The following ZNF584 variants were observed in gnomAD, a reference collection of about 807,000 sequenced individuals.
ZNF584 encodes the protein zinc finger protein 584.
A neutral mutation model predicts 14.7 loss-of-function variants in ZNF584; 12 were observed. That is an observed-to-expected ratio of 0.82 (90% confidence interval 0.52 to 1.32). ZNF584 has a LOEUF of 1.32. ZNF584 is among the 40% of genes most tolerant of loss of function. The pLI is 0.00. For synonymous variants in ZNF584, 204 were observed against 190.9 expected, an observed-to-expected ratio of 1.07 and a Z score of -0.57; for missense variants, 478 against 518.8, an observed-to-expected ratio of 0.92 and a Z score of 0.76.
At chr19:58,415,845 C>T in intron 3 of ZNF584, 199 bp downstream of exon 3, 1 of 1,600,812 alleles carries the variant, frequency 6.2e-7, no homozygotes, top group South Asian at 1.1e-5. Flanking sequence ...CCTCTCTGGC[C>T]TGCGTCTCCT....
chr19:58,402,461 G>T (rs2052437500), intron 1 of ZNF584, among the ~76,000 whole-genome samples: 1 of 152,190 alleles, frequency 6.6e-6, no homozygotes, highest in Non-Finnish European at 1.5e-5. Context: ...ACATCTACTT[G>T]TTCTTTCAAA....
chr19:58,407,759 C>G (rs1043381994), upstream of ZNF584, among the ~76,000 whole-genome samples: 2 of 152,198 alleles, frequency 1.3e-5, no homozygotes, highest in African/African-American at 4.8e-5. Flanking sequence ...CCCACCTGCT[C>G]TAACATGAAC....
intron 2 of ZNF584, 33 bp downstream of exon 2, chr19:58,410,124 A>C (rs1167839467): frequency 5.1e-6 from 8 of 1,566,080 alleles, no homozygotes; most frequent in Non-Finnish European, 6.9e-6. Context: ...CAGCACACTG[A>C]CTACCCCCTC....
At chr19:58,410,938 C>T (rs1410868620) in intron 2 of ZNF584, among the ~76,000 whole-genome samples, 3 of 149,612 alleles carry the variant, frequency 2.0e-5, no homozygotes, top group East Asian at 2.0e-4. Flanking sequence ...ACTACAGGCT[C>T]GCGCCACCAT....
chr19:58,416,716 A>G (rs957665435), intron 3 of ZNF584, 95 bp from the exon 4 acceptor site: 28 of 1,463,000 alleles, frequency 1.9e-5, no homozygotes, highest in East Asian at 1.4e-4. Context: ...CAGCAGTTCT[A>G]TGGAGTCCTT....
At chr19:58,412,278 C>T (rs2052585890) in intron 2 of ZNF584, among the ~76,000 whole-genome samples, 1 of 141,912 alleles carries the variant, frequency 7.0e-6, no homozygotes, top group African/African-American at 2.7e-5. Flanking sequence ...GGCGCAATCT[C>T]GACTCACTGC....
intron 3 of ZNF584, chr19:58,416,034 T>C: frequency 1.4e-6 from 2 of 1,465,870 alleles, no homozygotes; most frequent in Non-Finnish European, 1.8e-6. Flanking sequence ...TGCCTCCTCA[T>C]AGTGCTTGGC....
Position 58,410,595 on chromosome 19 carries a change from A to G in ZNF584, c.169+504A>G, listed in dbSNP as rs568279466. On this transcript the variant is annotated intron_variant, in intron 2 of 3. Coordinates refer to ENST00000306910, the MANE Select transcript of ZNF584 (RefSeq NM_173548.3). ...TATGTATATATATGTATATATATGT[A>G]TATATATGTATATATATGTGTATAT... Among the ~76,000 whole-genome samples, 53 of 35,084 alleles carry G rather than the reference A, an allele frequency of 1.5e-3. 1 individual carries two copies. The highest frequency in any genetic ancestry group is 2.9e-3 in the African/African-American group (10 of 3,494). 23.0% of individuals were successfully genotyped at this position (35,084 alleles called of 152,430 possible). A position where few individuals can be genotyped will look rare whatever the true frequency, so the allele number is the denominator to read the frequency against.
chr19:58,412,686 TC>T (rs150140757), intron 2 of ZNF584, among the ~76,000 whole-genome samples: 2 of 152,348 alleles, frequency 1.3e-5, no homozygotes, highest in East Asian at 3.9e-4. Flanking sequence ...AATGTTTCCT[TC>T]TCTTCTGTTT....
intron 2 of ZNF584, among the ~76,000 whole-genome samples, chr19:58,412,242 G>T (rs1160878621): frequency 8.2e-6 from 1 of 121,750 alleles, no homozygotes; most frequent in Admixed American, 9.4e-5. Flanking sequence ...TCGCTCTGTC[G>T]CCCAGGCCGG....
chr19:58,406,802 G>C (rs937275891), upstream of ZNF584: 70 of 152,518 alleles, frequency 4.6e-4, no homozygotes, highest in African/African-American at 1.7e-3. Context: ...GGTCAGTCCA[G>C]CCTAGGGCAG....
upstream of ZNF584, chr19:58,404,229 A>ATT (rs59683660): frequency 1.5e-4 from 22 of 147,280 alleles, 2 homozygotes; most frequent in African/African-American, 2.5e-4. Flanking sequence ...AGAGGAACAG[A>ATT]TTTTTTTTTT....
intron 2 of ZNF584, among the ~76,000 whole-genome samples, chr19:58,414,656 A>G (rs1057472938): frequency 1.3e-5 from 2 of 151,702 alleles, no homozygotes; most frequent in African/African-American, 4.8e-5. Context: ...CTTATTTTAT[A>G]TCCTAGCAAA....
chr19:58,413,795 G>A (rs938161595), intron 2 of ZNF584, among the ~76,000 whole-genome samples: 20 of 149,724 alleles, frequency 1.3e-4, no homozygotes, highest in African/African-American at 4.4e-4. Context: ...GCCACCACCC[G>A]GCCTGTTGTA....
chr19:58,411,226 G>A (rs1290155081), intron 2 of ZNF584, among the ~76,000 whole-genome samples: 1 of 151,854 alleles, frequency 6.6e-6, no homozygotes, highest in African/African-American at 2.4e-5. Flanking sequence ...CATTTAATGT[G>A]TTTATTAAGA....
In ZNF584 at chr19:58,417,706, C is replaced by T. The variant is rs757835822; in HGVS notation, c.1188C>T (p.Thr396=). Reference sequence around the variant, plus strand: ...GGAAGGCCTTCAAACATAGTTCCACCCTCCTTCAGCACAAGAAAGTCCATA... The same window carrying T: ...GGAAGGCCTTCAAACATAGTTCCACTCTCCTTCAGCACAAGAAAGTCCATA... ...ECGKAFKHSS[T]LLQHKKVHTP... Residue 396 remains threonine (T), a synonymous_variant, in exon 4 of 4, where the codon ACC becomes ACT. Coordinates refer to ENST00000306910, the MANE Select transcript of ZNF584 (RefSeq NM_173548.3). 1.4e-5 allele frequency: 23 copies of T among 1,614,008 alleles called. No homozygotes were observed. The East Asian group carries it at 1.8e-4, about 13-fold the overall frequency.
intron 2 of ZNF584, among the ~76,000 whole-genome samples, chr19:58,412,683 C>T (rs1400186808): frequency 6.6e-6 from 1 of 152,188 alleles, no homozygotes; most frequent in Non-Finnish European, 1.5e-5. Flanking sequence ...GGGAATGTTT[C>T]CTTCTCTTCT....
At chr19:58,413,205 T>G (rs1038329154) in intron 2 of ZNF584, among the ~76,000 whole-genome samples, 1 of 152,178 alleles carries the variant, frequency 6.6e-6, no homozygotes, top group African/African-American at 2.4e-5. Flanking sequence ...TTTTTCTTGT[T>G]CCTTGAGGTA....
Position 58,417,233 on chromosome 19 carries a change from A to C in ZNF584, c.715A>C (p.Ile239Leu). 1 of 1,614,198 alleles carries C rather than the reference A, an allele frequency of 6.2e-7. No individual in the cohort carries two copies. The highest frequency in any genetic ancestry group is 8.5e-7 in the Non-Finnish European group (1 of 1,180,050). ...LRKHQKVHTG[I>L]KPFKCSDCGK... Reference sequence around the variant, plus strand: ...GAAACACCAGAAGGTTCACACAGGCATAAAACCTTTTAAGTGTAGTGACTG... The same window carrying C: ...GAAACACCAGAAGGTTCACACAGGCCTAAAACCTTTTAAGTGTAGTGACTG... Residue 239 changes from isoleucine to leucine, a missense_variant, in exon 4 of 4, where the codon ATA (isoleucine) becomes CTA (leucine). By Grantham distance (5) the Ile-to-Leu change is conservative (BLOSUM62 2). Coordinates refer to ENST00000306910, the MANE Select transcript of ZNF584 (RefSeq NM_173548.3).
Sources: allele counts gnomAD v4.1 joint callset (sites outside exome capture counted in the v4.1 genomes callset), GRCh38; gene constraint gnomAD v4.1.1; transcripts MANE v1.5; gene names NCBI Gene and HGNC (gene_info 2026-07-23, HGNC 2026-07-21).